Variants in CDH18 observed in about 807,000 individuals in gnomAD.
The protein encoded by CDH18 is cadherin-18.
A neutral mutation model predicts 67.9 loss-of-function variants in CDH18; 31 were observed. That is an observed-to-expected ratio of 0.46 (90% CI 0.34 to 0.62). The LOEUF (loss-of-function observed/expected upper bound fraction) is 0.62, where lower values mean the gene tolerates loss of function less well. Among genes scored for constraint, CDH18 ranks in the 20% least tolerant of loss-of-function variants. CDH18 has a pLI of 0.01. For missense variants in CDH18, 890 were observed against 975.5 expected (o/e 0.91, Z 1.17); for synonymous variants, 362 against 347.2 (o/e 1.04, Z -0.48).
intron 1 of CDH18, among the ~76,000 whole-genome samples, chr5:20,504,038 G>GAA (rs201250312): frequency 4.9e-5 from 7 of 142,184 alleles, no homozygotes; most frequent in Admixed American, 4.2e-4. Flanking sequence ...ACTCTGTCAA[G>GAA]AAAAAAAAAA....
chr5:19,725,573 C>T (rs1766731723), intron 4 of CDH18, among the ~76,000 whole-genome samples: 1 of 152,074 alleles, frequency 6.6e-6, no homozygotes, highest in Admixed American at 6.6e-5. Context: ...GATTTGAGAC[C>T]AGCCTGACCA....
intron 1 of CDH18, among the ~76,000 whole-genome samples, chr5:20,348,300 A>T (rs1740876877): frequency 6.6e-6 from 1 of 152,172 alleles, no homozygotes; most frequent in Non-Finnish European, 1.5e-5. Flanking sequence ...CAATTTTCAA[A>T]GGCAAACATG....
chr5:19,920,330 A>G (rs1163063317), intron 2 of CDH18, among the ~76,000 whole-genome samples: 1 of 152,166 alleles, frequency 6.6e-6, no homozygotes, highest in Non-Finnish European at 1.5e-5. Context: ...TGGAAATAAC[A>G]TAGCAACAAG....
intron 2 of CDH18, among the ~76,000 whole-genome samples, chr5:20,042,621 G>A (rs1740529244): frequency 6.6e-6 from 1 of 152,104 alleles, no homozygotes; most frequent in Non-Finnish European, 1.5e-5. Flanking sequence ...TGATTTGGAT[G>A]TCAGTCTCCT....
At position 20,385,212 on chromosome 5, in the gene CDH18, T is replaced by TA. The variant is rs574149500; in HGVS notation, c.-579-129708dup. Among the ~76,000 whole-genome samples, 58 of 152,242 alleles carry TA rather than the reference T, an allele frequency of 3.8e-4. 1 individual carries two copies. The highest frequency in any genetic ancestry group is 3.3e-3 in the East Asian group (17 of 5,178). On this transcript the variant is annotated intron_variant, in intron 1 of 14. Coordinates refer to the CDH18 transcript ENST00000507958. The stretch of plus-strand genomic sequence containing the variant: ...AGATTGCATTTAATCGAGAAATCCA[T>TA]AAAACACCAAAGCAGGATCACCTGT...
intron 2 of CDH18, among the ~76,000 whole-genome samples, chr5:20,145,027 C>T (rs1293655204): frequency 1.3e-5 from 2 of 152,094 alleles, no homozygotes; most frequent in African/African-American, 4.8e-5. Context: ...GACTTCTAGC[C>T]TCCAGAACTG....
intron 2 of CDH18, among the ~76,000 whole-genome samples, chr5:20,119,905 T>C (rs1214997805): frequency 6.6e-6 from 1 of 151,964 alleles, no homozygotes; most frequent in Non-Finnish European, 1.5e-5. Context: ...CAATATATTT[T>C]ATTTAGAAAG....
At chr5:19,569,945 T>A (rs1348581932) in intron 8 of CDH18, among the ~76,000 whole-genome samples, 4 of 152,276 alleles carry the variant, frequency 2.6e-5, no homozygotes, top group African/African-American at 9.6e-5. Flanking sequence ...CCTGTTTTTT[T>A]AAATAATTAC....
intron 1 of CDH18, among the ~76,000 whole-genome samples, chr5:20,471,014 A>G (rs765021298): frequency 2.0e-5 from 3 of 152,038 alleles, no homozygotes; most frequent in Non-Finnish European, 4.4e-5. Flanking sequence ...TGTTTCCCCA[A>G]TTGCTGCTGA....
intron 1 of CDH18, among the ~76,000 whole-genome samples, chr5:20,422,878 A>G (rs1747973182): frequency 6.6e-6 from 1 of 151,058 alleles, no homozygotes; most frequent in African/African-American, 2.5e-5. Context: ...CAGAAGTCAG[A>G]AGGTTGGTTG....
At chr5:20,003,242 A>G (rs530767684) in intron 2 of CDH18, among the ~76,000 whole-genome samples, 17 of 152,300 alleles carry the variant, frequency 1.1e-4, no homozygotes, top group Non-Finnish European at 2.1e-4. Context: ...AGTTATTCAA[A>G]TCTGCAAACT....
chr5:19,757,534 G>A (rs1482817283), intron 3 of CDH18, among the ~76,000 whole-genome samples: 1 of 152,190 alleles, frequency 6.6e-6, no homozygotes, highest in Non-Finnish European at 1.5e-5. Context: ...TATGTCAGGG[G>A]TGGCTGGGGA....
In CDH18 at chr5:20,155,577, A is replaced by G. The variant is rs144074169; in HGVS notation, c.-518+99867T>C. Among the ~76,000 whole-genome samples, 1,495 of 152,172 alleles carry G rather than the reference A, an allele frequency of 9.8e-3. 27 individuals are homozygous for G. The highest frequency in any genetic ancestry group is 0.034 in the African/African-American group (1,416 of 41,528). On this transcript the variant is annotated intron_variant, in intron 2 of 14. Coordinates refer to the CDH18 transcript ENST00000507958. ...TGTTGTGTAAAAGCTTTGTAATTTA[A>G]ATAAGTCCTATTTGTTTATTTTTGT...
At chr5:19,855,300 G>A (rs2149949057) in intron 2 of CDH18, among the ~76,000 whole-genome samples, 1 of 152,208 alleles carries the variant, frequency 6.6e-6, no homozygotes, top group Non-Finnish European at 1.5e-5. Context: ...GGGAAAGACT[G>A]CAAGGCCCAT....
At chr5:19,844,555 T>G (rs189300668) in intron 2 of CDH18, among the ~76,000 whole-genome samples, 1 of 152,174 alleles carries the variant, frequency 6.6e-6, no homozygotes, top group East Asian at 1.9e-4. Flanking sequence ...TGTTTCTTTA[T>G]AGCAGTGTGA....
At chr5:20,334,706 C>T (rs1369051639) in intron 1 of CDH18, among the ~76,000 whole-genome samples, 1 of 150,514 alleles carries the variant, frequency 6.6e-6, no homozygotes, top group Non-Finnish European at 1.5e-5. Flanking sequence ...CTAATTCTTC[C>T]CAACACATAT....
rs189192456 is a variant in CDH18, at chr5:19,678,854, C to T, written c.643+42493G>A. Among the ~76,000 whole-genome samples the T allele has an allele frequency of 1.3e-3, 202 of 151,942 alleles. 1 individual carries two copies. Among genetic ancestry groups the T allele is most frequent in the Non-Finnish European group, 1.8e-3 (122 of 67,884 alleles). On this transcript the variant is annotated intron_variant, in intron 5 of 12. Transcript: ENST00000382275. ...TGTCCAGGACCAGATGGATTCACAGCGAGTTTCTACCAAATGTATAAAGAG... is the reference window on the plus strand; with the variant it reads ...TGTCCAGGACCAGATGGATTCACAGTGAGTTTCTACCAAATGTATAAAGAG...
At chr5:19,732,736 C>G (rs1767780503) in intron 4 of CDH18, among the ~76,000 whole-genome samples, 1 of 152,102 alleles carries the variant, frequency 6.6e-6, no homozygotes, top group South Asian at 2.1e-4. Flanking sequence ...CAGCTTGGGA[C>G]ACAATATTGT....
At chr5:20,132,594 G>T (rs980791279) in intron 2 of CDH18, among the ~76,000 whole-genome samples, 2 of 151,930 alleles carry the variant, frequency 1.3e-5, no homozygotes, top group South Asian at 2.1e-4. Context: ...CATTTTATAT[G>T]ATTCCATTCT....
Sources: gnomAD v4.1 joint callset for allele counts (sites outside exome capture counted in the v4.1 genomes callset) on GRCh38, gnomAD v4.1.1 for gene constraint, MANE v1.5 for transcripts, NCBI Gene and HGNC (gene_info 2026-07-23, HGNC 2026-07-21) for gene names.